SNX27: variants seen among roughly 807,000 people sequenced by gnomAD.
SNX27 encodes the protein sorting nexin 27.
A neutral mutation model predicts 71.6 loss-of-function variants in SNX27; 22 were observed. That is an observed-to-expected ratio of 0.31 (90% confidence interval 0.22 to 0.44). SNX27 has a LOEUF of 0.44. Among genes scored for constraint, SNX27 ranks in the 20% least tolerant of loss-of-function variants. SNX27 has a pLI of 1.00. For missense variants in SNX27, 531 were observed against 698.6 expected, an observed-to-expected ratio of 0.76 and a Z score of 2.70; for synonymous variants, 269 against 277.2, an observed-to-expected ratio of 0.97 and a Z score of 0.29.
intron 8 of SNX27, among the ~76,000 whole-genome samples, chr1:151,684,600 C>A (rs1282232905): frequency 6.6e-6 from 1 of 152,164 alleles, no homozygotes; most frequent in African/African-American, 2.4e-5. Flanking sequence ...GAAGTTTTTT[C>A]AATTATACAT....
In SNX27 at chr1:151,637,153, G is replaced by GTTTTTTTT. The variant is rs200938062; in HGVS notation, c.312-1734_312-1727dup. Among the ~76,000 whole-genome samples, 4 of 64,076 alleles carry GTTTTTTTT rather than the reference G, an allele frequency of 6.2e-5. 1 individual carries two copies. Among genetic ancestry groups the GTTTTTTTT allele is most frequent in the Non-Finnish European group, 9.8e-5 (3 of 30,486 alleles). The allele number at this position is 64,076 out of a possible 152,430, so 42.0% of individuals were successfully genotyped here. ...CTGGTATATGATCAGAGTTGATCAC[G>GTTTTTTTT]TTTTTTTTGTTTTTTTGTTTTTTTT... On this transcript the variant is annotated intron_variant, in intron 1 of 11. Transcript: ENST00000458013.
intron 8 of SNX27, among the ~76,000 whole-genome samples, chr1:151,685,696 C>A (rs565331820): frequency 6.6e-6 from 1 of 152,186 alleles, no homozygotes; most frequent in Admixed American, 6.5e-5. Flanking sequence ...ACAACAACAA[C>A]AACAAAAAAT....
At chr1:151,614,032 C>A (rs1259628704) in intron 1 of SNX27, 1 of 151,862 alleles carries the variant, frequency 6.6e-6, no homozygotes, top group Non-Finnish European at 1.5e-5. Context: ...GAAAATCTGC[C>A]TTATAGAGAA....
At chr1:151,618,854 T>C (rs1294664758) in intron 1 of SNX27, among the ~76,000 whole-genome samples, 1 of 152,190 alleles carries the variant, frequency 6.6e-6, no homozygotes, top group Non-Finnish European at 1.5e-5. Flanking sequence ...ATACAGATGT[T>C]TTCTGTGCTT....
chr1:151,689,961 G>T (rs1671362543), intron 8 of SNX27, among the ~76,000 whole-genome samples: 1 of 151,898 alleles, frequency 6.6e-6, no homozygotes, highest in Admixed American at 6.6e-5. Flanking sequence ...CAATTCTTCT[G>T]CCTCAGCCTC....
intron 4 of SNX27, 59 bp downstream of exon 4, chr1:151,660,921 A>G (rs1669937943): frequency 1.6e-5 from 20 of 1,282,724 alleles, no homozygotes; most frequent in Non-Finnish European, 1.9e-5. Flanking sequence ...GGGGAAAATA[A>G]GTTAAAGGTA....
intron 1 of SNX27, among the ~76,000 whole-genome samples, chr1:151,628,845 T>C (rs1668068673): frequency 6.6e-6 from 1 of 152,222 alleles, no homozygotes; most frequent in Non-Finnish European, 1.5e-5. Flanking sequence ...TTCTTATTGT[T>C]GAGTTTTAAT....
At chr1:151,676,694 C>T (rs1242384961) in intron 7 of SNX27, 1 of 151,936 alleles carries the variant, frequency 6.6e-6, no homozygotes, top group Non-Finnish European at 1.5e-5. Context: ...ATTTTCTTTC[C>T]TCAATATAAG....
chr1:151,641,627 A>ATATATATC (rs1254918416), intron 2 of SNX27, among the ~76,000 whole-genome samples: 1 of 120,966 alleles, frequency 8.3e-6, no homozygotes, highest in Admixed American at 9.4e-5. Context: ...ATATATATAT[A>ATATATATC]TATCATATGT....
intron 2 of SNX27, among the ~76,000 whole-genome samples, chr1:151,653,721 A>G (rs1035420987): frequency 6.6e-5 from 10 of 151,126 alleles, no homozygotes; most frequent in South Asian, 2.1e-4. Context: ...GAGTCCCACT[A>G]TTTTGTTCAG....
intron 2 of SNX27, among the ~76,000 whole-genome samples, chr1:151,654,044 G>A (rs947230794): frequency 1.3e-5 from 2 of 151,868 alleles, no homozygotes; most frequent in African/African-American, 4.8e-5. Context: ...TGTTGGCTGG[G>A]ATAGTCTTGA....
At chr1:151,643,124 C>G (rs935782249) in intron 2 of SNX27, among the ~76,000 whole-genome samples, 2 of 151,470 alleles carry the variant, frequency 1.3e-5, no homozygotes, top group African/African-American at 4.9e-5. Flanking sequence ...GCCACCACAC[C>G]CGGCCAATTT....
At chr1:151,642,892 G>A (rs894151362) in intron 2 of SNX27, among the ~76,000 whole-genome samples, 12 of 152,092 alleles carry the variant, frequency 7.9e-5, no homozygotes, top group Admixed American at 2.0e-4. Context: ...CACCCGCCTC[G>A]GCCTCCCAAA....
chr1:151,615,699 TA>T, intron 1 of SNX27: 1 of 983,946 alleles, frequency 1.0e-6, no homozygotes, highest in South Asian at 4.7e-5. Flanking sequence ...TGGACCTTGA[TA>T]ATTGCTATTT....
chr1:151,654,348 C>T (rs1168907243), intron 2 of SNX27, among the ~76,000 whole-genome samples: 3 of 152,112 alleles, frequency 2.0e-5, no homozygotes, highest in Non-Finnish European at 2.9e-5. Context: ...GATTCTTTTG[C>T]CCTTCCTTCT....
intron 2 of SNX27, among the ~76,000 whole-genome samples, chr1:151,651,017 G>T (rs1296390443): frequency 6.6e-6 from 1 of 152,046 alleles, no homozygotes; most frequent in Non-Finnish European, 1.5e-5. Flanking sequence ...ACACAGACAC[G>T]GCAACCATCC....
rs559182568 is a variant in SNX27, at chr1:151,670,092, TG to T, written c.1149+1460del. Among the ~76,000 whole-genome samples, 1,009 of 152,256 alleles carry T rather than the reference TG, an allele frequency of 6.6e-3. 13 individuals are homozygous for T. The highest frequency in any genetic ancestry group is 0.023 in the African/African-American group (968 of 41,540). On this transcript the variant is annotated intron_variant, in intron 7 of 11. Coordinates refer to ENST00000458013, the MANE Select transcript of SNX27 (RefSeq NM_001330723.2). ...GTAACCATCCTACTCTCTATCTCCA[TG>T]GGTTCAATTGTTTTGATTTTTACAG...
At chr1:151,693,359 C>G in intron 10 of SNX27, 65 bp from the exon 11 acceptor site, 2 of 1,501,450 alleles carry the variant, frequency 1.3e-6, no homozygotes, top group Non-Finnish European at 1.9e-6. Context: ...GACAGGAGTT[C>G]AAAGGCACAG....
At chr1:151,650,533 A>G (rs1053577967) in intron 2 of SNX27, among the ~76,000 whole-genome samples, 13 of 151,240 alleles carry the variant, frequency 8.6e-5, no homozygotes, top group African/African-American at 2.9e-4. Flanking sequence ...TGTGTTTTAC[A>G]CTGTTTGATA....
Sources: gnomAD v4.1 joint callset for allele counts (sites outside exome capture counted in the v4.1 genomes callset) on GRCh38, gnomAD v4.1.1 for gene constraint, MANE v1.5 for transcripts, NCBI Gene and HGNC (gene_info 2026-07-23, HGNC 2026-07-21) for gene names.